The following MTUS1 variants were observed in gnomAD, a reference collection of about 807,000 sequenced individuals.
The protein encoded by MTUS1 is microtubule-associated tumor suppressor 1.
In MTUS1, 109 loss-of-function variants were observed where a neutral mutation model predicts 120.8. The observed-to-expected ratio is 0.90, with a 90% CI of 0.77 to 1.06. MTUS1 has a LOEUF of 1.06. Among genes scored for constraint, MTUS1 ranks in the 50% least tolerant of loss-of-function variants. The probability of loss-of-function intolerance (pLI) is 0.00; values close to 1 mark genes in which losing one functional copy is unlikely to be tolerated. For missense variants in MTUS1, 2,210 were observed against 1,486.3 expected (o/e 1.49, Z -8.01); for synonymous variants, 737 against 550.5 (o/e 1.34, Z -4.74).
intron 3 of MTUS1, among the ~76,000 whole-genome samples, chr8:17,735,062 G>T (rs756160483): frequency 1.9e-4 from 29 of 152,092 alleles, no homozygotes; most frequent in Non-Finnish European, 2.9e-4. Flanking sequence ...GAGACCACAG[G>T]CGGGAGCCAC....
chr8:17,714,655 T>C (rs771030128), intron 5 of MTUS1, among the ~76,000 whole-genome samples: 48 of 150,766 alleles, frequency 3.2e-4, no homozygotes, highest in Admixed American at 1.3e-4. Context: ...GAAGAGTATA[T>C]TCATTATTAC....
chr8:17,716,229 G>A (rs950844683), intron 4 of MTUS1, among the ~76,000 whole-genome samples: 1 of 152,152 alleles, frequency 6.6e-6, no homozygotes, highest in African/African-American at 2.4e-5. Flanking sequence ...GAATGCCCCA[G>A]GTGCAGCTAG....
At chr8:17,790,787 G>C (rs992708481) in intron 1 of MTUS1, among the ~76,000 whole-genome samples, 1 of 152,170 alleles carries the variant, frequency 6.6e-6, no homozygotes, top group Non-Finnish European at 1.5e-5. Flanking sequence ...AAGAGTTCGA[G>C]ACCAGCGTGG....
chr8:17,773,241 T>C (rs1382569739), intron 1 of MTUS1, among the ~76,000 whole-genome samples: 3 of 152,178 alleles, frequency 2.0e-5, no homozygotes, highest in Non-Finnish European at 4.4e-5. Flanking sequence ...CTGAACCGAA[T>C]TTTTTAAATA....
intron 6 of MTUS1, among the ~76,000 whole-genome samples, chr8:17,712,006 C>G (rs1821398923): frequency 6.6e-6 from 1 of 152,084 alleles, no homozygotes; most frequent in Non-Finnish European, 1.5e-5. Context: ...AAAACAATCA[C>G]AACAGTAACA....
intron 4 of MTUS1, among the ~76,000 whole-genome samples, chr8:17,717,855 G>T (rs1429003871): frequency 6.6e-6 from 1 of 152,042 alleles, no homozygotes; most frequent in African/African-American, 2.4e-5. Context: ...CCCATCATCA[G>T]CTTCATAACA....
chr8:17,766,617 C>A (rs1431939263), intron 1 of MTUS1, among the ~76,000 whole-genome samples: 1 of 152,186 alleles, frequency 6.6e-6, no homozygotes, highest in African/African-American at 2.4e-5. Flanking sequence ...ATTTGTAGAA[C>A]GCATGGCAGG....
intron 3 of MTUS1, among the ~76,000 whole-genome samples, chr8:17,742,394 C>A (rs1329273476): frequency 6.7e-6 from 1 of 150,136 alleles, no homozygotes; most frequent in African/African-American, 2.4e-5. Flanking sequence ...GGATTTCAGG[C>A]ATAAACCACC....
chr8:17,712,484 G>A (rs551018794), intron 6 of MTUS1, among the ~76,000 whole-genome samples: 4 of 151,964 alleles, frequency 2.6e-5, no homozygotes, highest in African/African-American at 9.7e-5. Context: ...CTCCAGGAGC[G>A]TACCACCACG....
chr8:17,647,564 T>C (rs1330406062), intron 13 of MTUS1, among the ~76,000 whole-genome samples: 3 of 152,208 alleles, frequency 2.0e-5, no homozygotes, highest in African/African-American at 7.2e-5. Flanking sequence ...CATGGTAAGT[T>C]TTCAGCATTT....
At chr8:17,664,677 G>C (rs12546172) in intron 8 of MTUS1, among the ~76,000 whole-genome samples, 30,734 of 151,892 alleles carry the variant, frequency 0.2, 3,835 homozygotes, top group African/African-American at 0.34. Context: ...ACCCCCAGAA[G>C]CAGGAGGGGA....
At chr8:17,649,339 T>A (rs1426098910) in intron 13 of MTUS1, among the ~76,000 whole-genome samples, 1 of 152,228 alleles carries the variant, frequency 6.6e-6, no homozygotes, top group Non-Finnish European at 1.5e-5. Context: ...ATTAGAGGAA[T>A]GAGCCACTGC....
intron 12 of MTUS1, among the ~76,000 whole-genome samples, chr8:17,652,484 C>T (rs66717058): frequency 0.082 from 12,464 of 151,494 alleles, 605 homozygotes; most frequent in Middle Eastern, 0.12. Context: ...GAGCCTGGTG[C>T]TGGGGAATTT....
At chr8:17,670,847 C>T (rs6586622) in intron 8 of MTUS1, among the ~76,000 whole-genome samples, 112,563 of 151,794 alleles carry the variant, frequency 0.74, 42,194 homozygotes, top group East Asian at 0.88. Context: ...GGAGCAGACA[C>T]TTAACATACA....
chr8:17,759,145 T>A (rs2048850319), intron 1 of MTUS1, among the ~76,000 whole-genome samples: 1 of 151,904 alleles, frequency 6.6e-6, no homozygotes, highest in Non-Finnish European at 1.5e-5. Context: ...CCTCCCAAAG[T>A]GCTGGGATTA....
At chr8:17,736,689 A>T (rs1299358735) in intron 3 of MTUS1, among the ~76,000 whole-genome samples, 1 of 151,680 alleles carries the variant, frequency 6.6e-6, no homozygotes, top group Non-Finnish European at 1.5e-5. Context: ...GGTTCAAGAG[A>T]TTCTCCTGCC....
Position 17,753,808 on chromosome 8 carries a change from T to A in MTUS1, c.2000A>T (p.Lys667Met), listed in dbSNP as rs777098218. 1 of 1,614,076 alleles carries A rather than the reference T, an allele frequency of 6.2e-7. No individual in the cohort carries two copies. The highest frequency in any genetic ancestry group is 8.5e-7 in the Non-Finnish European group (1 of 1,179,998). ...AGATGTCCCATTTTCTTTTTCACCC[T>A]TCTTTTCAGGGCTAATCCTATCAAT... The part of the protein sequence containing the change: ...PNIDRISPEK[K>M]GEKENGTSME... Residue 667 changes from lysine to methionine, a missense_variant, in exon 2 of 15, where the codon AAG (lysine) becomes ATG (methionine). By Grantham distance (95) the Lys-to-Met change is moderately conservative. Transcript: ENST00000693296.
At chr8:17,694,846 T>C (rs1817643257) in intron 6 of MTUS1, among the ~76,000 whole-genome samples, 2 of 152,186 alleles carry the variant, frequency 1.3e-5, no homozygotes, top group African/African-American at 4.8e-5. Flanking sequence ...CTGAGGGTTT[T>C]CAAATCTTCA....
chr8:17,661,763 C>A (rs190979041), intron 8 of MTUS1, among the ~76,000 whole-genome samples: 11 of 152,206 alleles, frequency 7.2e-5, no homozygotes, highest in Non-Finnish European at 1.3e-4. Context: ...AGGTTCACTG[C>A]TGTTATTGTA....
Sources: allele counts gnomAD v4.1 joint callset (sites outside exome capture counted in the v4.1 genomes callset), GRCh38; gene constraint gnomAD v4.1.1; transcripts MANE v1.5; gene names NCBI Gene and HGNC (gene_info 2026-07-23, HGNC 2026-07-21).